Variants in PKD1L3 observed in about 807,000 individuals in gnomAD.
PKD1L3 encodes polycystin 1 like 3, transient receptor potential channel interacting.
Under a neutral mutation model 184.1 loss-of-function variants are expected in PKD1L3, and 239 were observed. The observed-to-expected ratio is 1.30, with a 90% CI of 1.17 to 1.45. The LOEUF (loss-of-function observed/expected upper bound fraction) is 1.45. PKD1L3 is among the 40% of genes most tolerant of loss of function. PKD1L3 has a pLI of 0.00. For missense variants in PKD1L3, 2,660 were observed against 2,067.2 expected (o/e 1.29, Z -5.56); for synonymous variants, 996 against 778.8 (o/e 1.28, Z -4.64).
intron 2 of PKD1L3, among the ~76,000 whole-genome samples, chr16:71,994,642 C>G (rs1181980640): frequency 6.6e-6 from 1 of 152,098 alleles, no homozygotes; most frequent in Non-Finnish European, 1.5e-5. Context: ...AAAAATTGTC[C>G]AAACTTATCA....
intron 25 of PKD1L3, among the ~76,000 whole-genome samples, chr16:71,936,207 T>A (rs955409228): frequency 2.0e-5 from 3 of 151,690 alleles, no homozygotes; most frequent in Non-Finnish European, 4.4e-5. Flanking sequence ...TTTTTTTCTT[T>A]TCTTTTTTTT....
At chr16:71,958,606 C>A (rs1345219867) in intron 16 of PKD1L3, among the ~76,000 whole-genome samples, 1 of 150,970 alleles carries the variant, frequency 6.6e-6, no homozygotes, top group South Asian at 2.1e-4. Flanking sequence ...CATGGTGAAA[C>A]CCCATCTCTA....
chr16:71,958,308 A>G (rs1420867261), intron 16 of PKD1L3, among the ~76,000 whole-genome samples: 4 of 142,758 alleles, frequency 2.8e-5, no homozygotes, highest in South Asian at 2.2e-4. Flanking sequence ...AATGGCTTGA[A>G]CCCGGGAGGC....
At chr16:71,955,175 T>C (rs2038996424) in intron 16 of PKD1L3, among the ~76,000 whole-genome samples, 1 of 151,996 alleles carries the variant, frequency 6.6e-6, no homozygotes, top group African/African-American at 2.4e-5. Context: ...TAAGGCCCAG[T>C]TCTAGACTGG....
At chr16:71,948,019 C>A (rs939365869) in intron 21 of PKD1L3, among the ~76,000 whole-genome samples, 1 of 151,704 alleles carries the variant, frequency 6.6e-6, no homozygotes, top group South Asian at 2.1e-4. Context: ...TGGGTTCAAG[C>A]GATTCTCTTC....
At position 71,984,133 on chromosome 16, in the gene PKD1L3, G is replaced by A; in HGVS notation, c.869C>T (p.Ala290Val). The A allele has an allele frequency of 3.2e-6, 5 of 1,551,814 alleles. No individual in the cohort carries two copies. The highest frequency in any genetic ancestry group is 4.4e-6 in the Non-Finnish European group (5 of 1,146,920). The change falls in exon 6 of 30, where the codon GCA becomes GTA. Residue 290 changes from alanine to valine, a missense_variant. Ala to Val is a moderately conservative substitution (Grantham distance 64). Transcript: ENST00000620267. ...IDEIAGNFSRAVHGLQALNKL... is the reference protein window; with the variant it reads ...IDEIAGNFSRVVHGLQALNKL... ...GTTAAGAGCTTGCAAACCATGAACT[G>A]CTCTGCTGAAGTTCCCTGCTATCTC...
chr16:71,974,579 G>A (rs1371352380), intron 11 of PKD1L3, among the ~76,000 whole-genome samples: 3 of 152,208 alleles, frequency 2.0e-5, no homozygotes, highest in Admixed American at 2.0e-4. Context: ...AGCTGCTTGG[G>A]AGGCTGAGGC....
intron 22 of PKD1L3, among the ~76,000 whole-genome samples, chr16:71,945,949 C>G (rs1451751080): frequency 2.0e-5 from 3 of 152,046 alleles, no homozygotes; most frequent in Non-Finnish European, 4.4e-5. Flanking sequence ...AAAATAAGTG[C>G]AAGGAAGGCA....
At chr16:71,944,645 G>A (rs1187814626) in intron 22 of PKD1L3, among the ~76,000 whole-genome samples, 1 of 151,992 alleles carries the variant, frequency 6.6e-6, no homozygotes, top group Non-Finnish European at 1.5e-5. Context: ...CAGATAGTTT[G>A]AGCTCAGGAG....
intron 11 of PKD1L3, among the ~76,000 whole-genome samples, chr16:71,975,014 A>G (rs1355108191): frequency 6.6e-6 from 1 of 152,142 alleles, no homozygotes; most frequent in Non-Finnish European, 1.5e-5. Flanking sequence ...CCCACAGAGC[A>G]TGGTTTTGAT....
intron 28 of PKD1L3, 91 bp from the exon 29 acceptor site, chr16:71,930,274 A>AGAAGAAAAGCTTATCCGAAGGAAACTTAG: frequency 7.6e-7 from 1 of 1,312,596 alleles, no homozygotes; most frequent in Non-Finnish European, 1.0e-6. Flanking sequence ...GGATCTTATC[A>AGAAGAAAAGCTTATCCGAAGGAAACTTAG]GAAGAAAAGC....
At chr16:71,952,156 C>T (rs1221635799) in intron 18 of PKD1L3, among the ~76,000 whole-genome samples, 1 of 150,968 alleles carries the variant, frequency 6.6e-6, no homozygotes. Flanking sequence ...AGATTCTTCC[C>T]ACTGCTCTCT....
chr16:71,993,313 A>G lies in PKD1L3; in HGVS notation c.438T>C (p.Asp146=). Residue 146 remains aspartate (D), a synonymous_variant, in exon 3 of 30, where the codon GAT becomes GAC. Coordinates refer to ENST00000620267, the MANE Select transcript of PKD1L3 (RefSeq NM_181536.2). ...TATTTCCATTTCTTTCATAATGGGC[A>G]TCTCCGTCCAAAAAGTCACCTATTT... ...ICQTGDFLDG[D]AHYERNGNNS... is the part of the protein sequence containing the mutation. 6.5e-7 allele frequency: 1 copy of G among 1,548,136 alleles called. No homozygotes were observed. Among genetic ancestry groups the G allele is most frequent in the Non-Finnish European group, 8.7e-7 (1 of 1,145,808 alleles).
At chr16:71,996,128 C>G (rs1004409378) in intron 2 of PKD1L3, among the ~76,000 whole-genome samples, 1 of 151,806 alleles carries the variant, frequency 6.6e-6, no homozygotes, top group African/African-American at 2.4e-5. Context: ...AGAGAGATGC[C>G]TTTATCCAGT....
chr16:71,936,425 ACTC>A (rs1415705535), intron 25 of PKD1L3, among the ~76,000 whole-genome samples: 4 of 145,974 alleles, frequency 2.7e-5, no homozygotes, highest in African/African-American at 7.6e-5. Flanking sequence ...CTGGTCTTGA[ACTC>A]CTGACCTCAG....
chr16:71,989,922 A>C (rs939247781), intron 4 of PKD1L3, among the ~76,000 whole-genome samples: 1 of 151,976 alleles, frequency 6.6e-6, no homozygotes, highest in Non-Finnish European at 1.5e-5. Flanking sequence ...TAAAAATACA[A>C]AAATTAGCTG....
chr16:71,958,470 A>G (rs1024000609), intron 16 of PKD1L3, among the ~76,000 whole-genome samples: 3 of 151,542 alleles, frequency 2.0e-5, no homozygotes, highest in Non-Finnish European at 4.4e-5. Flanking sequence ...AAAAAAGCCC[A>G]GAGTAATGAT....
In PKD1L3 at chr16:71,977,435, G is replaced by T; in HGVS notation, c.1560C>A (p.Thr520=). ...IMLWRNVSLE[T]HPTSLNMSTH... ...TGCTCATGTTGAGGCTGGTGGGATGGGTTTCCAAGCTAACATTTCTCCAGA... is the reference window on the plus strand; with the variant it reads ...TGCTCATGTTGAGGCTGGTGGGATGTGTTTCCAAGCTAACATTTCTCCAGA... Residue 520 remains threonine (T), a synonymous_variant, in exon 11 of 30, where the codon ACC becomes ACA. Coordinates refer to ENST00000620267, the MANE Select transcript of PKD1L3 (RefSeq NM_181536.2). 3.9e-6 allele frequency: 6 copies of T among 1,551,232 alleles called. No individual in the cohort carries two copies. The highest frequency in any genetic ancestry group is 5.2e-6 in the Non-Finnish European group (6 of 1,146,676).
At chr16:71,990,824 AG>A (rs778978463) in intron 3 of PKD1L3, among the ~76,000 whole-genome samples, 31 of 152,142 alleles carry the variant, frequency 2.0e-4, no homozygotes, top group Admixed American at 8.5e-4. Context: ...TGGAATCCAG[AG>A]GACTCCAAGG....
Sources: allele counts gnomAD v4.1 joint callset (sites outside exome capture counted in the v4.1 genomes callset), GRCh38; gene constraint gnomAD v4.1.1; transcripts MANE v1.5; gene names NCBI Gene and HGNC (gene_info 2026-07-23, HGNC 2026-07-21).